ROBO1: variants seen among roughly 807,000 people sequenced by gnomAD.
ROBO1 encodes the protein roundabout guidance receptor 1.
A neutral mutation model predicts 195.9 loss-of-function variants in ROBO1; 149 were observed. The observed-to-expected ratio is 0.76, with a 90% CI of 0.67 to 0.87. The LOEUF (loss-of-function observed/expected upper bound fraction) is 0.87, where lower values mean the gene tolerates loss of function less well. Ranked by LOEUF, ROBO1 falls within the 40% of genes least tolerant of loss-of-function variation. The probability of loss-of-function intolerance (pLI) is 0.00; values close to 1 mark genes in which losing one functional copy is unlikely to be tolerated. For synonymous variants in ROBO1, 816 were observed against 733.2 expected (o/e 1.11, Z -1.82); for missense variants, 1,933 against 2,068.3 (o/e 0.93, Z 1.27).
intron 2 of ROBO1, among the ~76,000 whole-genome samples, chr3:79,394,975 A>C: frequency 6.6e-6 from 1 of 152,176 alleles, no homozygotes; most frequent in Non-Finnish European, 1.5e-5. Context: ...TTATTTCTGG[A>C]AGAACTTATG....
At chr3:79,328,892 G>A (rs560783531) in intron 2 of ROBO1, among the ~76,000 whole-genome samples, 2 of 152,034 alleles carry the variant, frequency 1.3e-5, no homozygotes, top group East Asian at 1.9e-4. Context: ...GAGAACATAC[G>A]ATATTAGGTT....
In ROBO1 at chr3:79,589,885, C is replaced by CA; in HGVS notation, c.26dup (p.Leu9PhefsTer24). The CA allele has an allele frequency of 6.2e-7, 1 of 1,610,158 alleles. No homozygotes were observed. The highest frequency in any genetic ancestry group is 1.3e-5 in the African/African-American group (1 of 74,734). On this transcript the variant is annotated frameshift_variant, in exon 2 of 31. Coordinates refer to ENST00000464233, the MANE Select transcript of ROBO1 (RefSeq NM_002941.4). LOFTEE classifies it high-confidence loss of function. ...ATAAGCTGAGGAGTGATATCATGAC[C>CA]AAAAAAGGAACATGTTTCCATTTCA...
chr3:79,113,276 C>G (rs1227080546), intron 3 of ROBO1, among the ~76,000 whole-genome samples: 3 of 152,144 alleles, frequency 2.0e-5, no homozygotes, highest in Non-Finnish European at 4.4e-5. Flanking sequence ...CTAAGTACCT[C>G]TGCCCATGTG....
chr3:79,331,448 C>T (rs1320274133), intron 2 of ROBO1, among the ~76,000 whole-genome samples: 1 of 152,058 alleles, frequency 6.6e-6, no homozygotes, highest in Non-Finnish European at 1.5e-5. Flanking sequence ...TAAAACAAGC[C>T]ATTTATAAAA....
chr3:78,957,721 C>G (rs2041122231), intron 3 of ROBO1, among the ~76,000 whole-genome samples: 1 of 152,190 alleles, frequency 6.6e-6, no homozygotes, highest in Admixed American at 6.5e-5. Flanking sequence ...TAACAGGTAT[C>G]AATTGCCTCT....
At chr3:79,121,868 G>A (rs2080122823) in intron 3 of ROBO1, among the ~76,000 whole-genome samples, 2 of 152,036 alleles carry the variant, frequency 1.3e-5, no homozygotes, top group East Asian at 1.9e-4. Flanking sequence ...GATTAAGAAT[G>A]TTAGTAGGAT....
chr3:78,804,247 A>C (rs1559873244), intron 4 of ROBO1, among the ~76,000 whole-genome samples: 1 of 152,166 alleles, frequency 6.6e-6, no homozygotes, highest in Admixed American at 6.5e-5. Flanking sequence ...GACTTTTACT[A>C]TTAACTCCGT....
intron 2 of ROBO1, among the ~76,000 whole-genome samples, chr3:79,523,095 A>G (rs1354658891): frequency 6.6e-6 from 1 of 152,080 alleles, no homozygotes; most frequent in Non-Finnish European, 1.5e-5. Flanking sequence ...AAAACAAATT[A>G]TCTGATCAGT....
At chr3:78,641,236 TAAG>T (rs1239863000) in intron 21 of ROBO1, among the ~76,000 whole-genome samples, 1 of 152,124 alleles carries the variant, frequency 6.6e-6, no homozygotes, top group Non-Finnish European at 1.5e-5. Flanking sequence ...TAAGAGAGGT[TAAG>T]AAGTTTGTGC....
chr3:79,054,919 T>C (rs1488475481), intron 3 of ROBO1, among the ~76,000 whole-genome samples: 1 of 152,098 alleles, frequency 6.6e-6, no homozygotes, highest in Non-Finnish European at 1.5e-5. Flanking sequence ...ACAAACAAAT[T>C]TATCTACAGC....
At chr3:79,296,381 C>A (rs999449981) in intron 2 of ROBO1, among the ~76,000 whole-genome samples, 2 of 152,108 alleles carry the variant, frequency 1.3e-5, no homozygotes, top group African/African-American at 4.8e-5. Flanking sequence ...ATCAGATATA[C>A]AAACCTTAAA....
intron 2 of ROBO1, among the ~76,000 whole-genome samples, chr3:79,493,572 T>G (rs1013527958): frequency 5.9e-5 from 9 of 152,058 alleles, no homozygotes; most frequent in Non-Finnish European, 1.2e-4. Flanking sequence ...GTTAGTTAGG[T>G]GTTCATTTTT....
intron 2 of ROBO1, among the ~76,000 whole-genome samples, chr3:79,166,535 G>T (rs900110525): frequency 6.6e-6 from 1 of 150,458 alleles, no homozygotes; most frequent in African/African-American, 2.4e-5. Flanking sequence ...TAAGTTGCAG[G>T]ATGGAAGGCA....
chr3:79,073,457 C>G (rs1576641800), intron 3 of ROBO1, among the ~76,000 whole-genome samples: 1 of 151,784 alleles, frequency 6.6e-6, no homozygotes, highest in Non-Finnish European at 1.5e-5. Context: ...AAATGCCAGT[C>G]TCAGGGTCTC....
chr3:79,031,278 A>G (rs1246976530), intron 3 of ROBO1, among the ~76,000 whole-genome samples: 2 of 152,176 alleles, frequency 1.3e-5, no homozygotes, highest in Non-Finnish European at 2.9e-5. Flanking sequence ...GTCTATTGAT[A>G]TGTTTCAGTG....
chr3:79,044,562 A>G (rs927198612), intron 3 of ROBO1, among the ~76,000 whole-genome samples: 1 of 152,202 alleles, frequency 6.6e-6, no homozygotes, highest in Non-Finnish European at 1.5e-5. Context: ...GATAATAAAT[A>G]TAAGTGTCAT....
chr3:79,288,895 T>C (rs1296294207), intron 2 of ROBO1, among the ~76,000 whole-genome samples: 1 of 152,152 alleles, frequency 6.6e-6, no homozygotes, highest in Non-Finnish European at 1.5e-5. Context: ...TAGAATCATC[T>C]TATTAAGCCC....
intron 5 of ROBO1, among the ~76,000 whole-genome samples, chr3:78,725,250 A>G (rs2082135052): frequency 6.6e-6 from 1 of 152,180 alleles, no homozygotes; most frequent in South Asian, 2.1e-4. Flanking sequence ...CAAAACAAAA[A>G]AATGTCCCAC....
chr3:78,651,625 A>T, intron 19 of ROBO1, 107 bp downstream of exon 19: 1 of 874,878 alleles, frequency 1.1e-6, no homozygotes, highest in East Asian at 2.9e-5. Flanking sequence ...TTTATATATT[A>T]AAACAAGTTT....
Sources: gnomAD v4.1 joint callset for allele counts (sites outside exome capture counted in the v4.1 genomes callset) on GRCh38, gnomAD v4.1.1 for gene constraint, MANE v1.5 for transcripts, NCBI Gene and HGNC (gene_info 2026-07-23, HGNC 2026-07-21) for gene names.